Variants in EEF1D observed in about 807,000 individuals in gnomAD.
The protein encoded by EEF1D is eukaryotic translation elongation factor 1 delta.
In EEF1D, 47 loss-of-function variants were observed where a neutral mutation model predicts 63.9. The observed-to-expected ratio is 0.74, with a 90% CI of 0.58 to 0.94. The LOEUF (loss-of-function observed/expected upper bound fraction) is 0.94. Among genes scored for constraint, EEF1D ranks in the 40% least tolerant of loss-of-function variants. The pLI is 0.00. For missense variants in EEF1D, 907 were observed against 899.0 expected, an observed-to-expected ratio of 1.01 and a Z score of -0.11; for synonymous variants, 412 against 386.1, an observed-to-expected ratio of 1.07 and a Z score of -0.79.
chr8:143,586,869 G>T lies in EEF1D; in HGVS notation c.1092-17C>A. The T allele has an allele frequency of 6.2e-7, 1 of 1,612,764 alleles. No homozygotes were observed. The highest frequency in any genetic ancestry group is 2.2e-5 in the East Asian group (1 of 44,852). On this transcript the variant is annotated splice_polypyrimidine_tract_variant and intron_variant, in intron 3 of 9. Coordinates refer to ENST00000618139, the MANE Select transcript of EEF1D (RefSeq NM_001130053.5). ...ATTTTTCTGCTGGGAGGGGAAAGAG[G>T]CAAAGTCAGCATGGCTGGGAAGTGG...
intron 5 of EEF1D, among the ~76,000 whole-genome samples, chr8:143,584,475 G>C (rs997943368): frequency 2.6e-5 from 4 of 152,122 alleles, no homozygotes; most frequent in African/African-American, 9.7e-5. Context: ...GCTGACACAG[G>C]AGAATCGCTT....
intron 5 of EEF1D, 96 bp from the exon 6 acceptor site, chr8:143,581,424 A>G: frequency 8.8e-7 from 1 of 1,140,504 alleles, no homozygotes; most frequent in Non-Finnish European, 1.2e-6. Flanking sequence ...AAGGAAAACT[A>G]CAGCTCGGGA....
At chr8:143,591,041 G>C (rs544603474) in intron 2 of EEF1D, 7 of 152,534 alleles carry the variant, frequency 4.6e-5, no homozygotes, top group African/African-American at 1.7e-4. Flanking sequence ...AGAAAGGAGG[G>C]GCCAAGCGCC....
chr8:143,595,339 G>A (rs1331104022), intron 1 of EEF1D, among the ~76,000 whole-genome samples: 2 of 152,138 alleles, frequency 1.3e-5, no homozygotes, highest in Admixed American at 1.3e-4. Flanking sequence ...CCACAGTGCT[G>A]GGATTACAGA....
At chr8:143,579,859 G>A (rs755981221) in intron 9 of EEF1D, 29 bp from the exon 10 acceptor site, 1 of 1,546,630 alleles carries the variant, frequency 6.5e-7, no homozygotes, top group Non-Finnish European at 8.7e-7. Flanking sequence ...TGACGGTCAG[G>A]GCTGTTCCCC....
Position 143,589,268 on chromosome 8 carries a change from G to A in EEF1D, c.814C>T (p.Arg272Trp), listed in dbSNP as rs763452313. The A allele has an allele frequency of 2.3e-5, 37 of 1,587,318 alleles. 1 individual carries two copies. The highest frequency in any genetic ancestry group is 9.4e-5 in the African/African-American group (7 of 74,438). Residue 272 changes from arginine to tryptophan, a missense_variant, in exon 3 of 10, where the codon CGG becomes TGG. Transcript: ENST00000618139. ...CCCCGCCGGTCTCTGCGGCCCCGCC[G>A]GGCACCCTCGGCCAGGCCGGCTCGC... Reference protein sequence around the residue: ...QERAGLAEGARRGRRDRRGRN... With the variant: ...QERAGLAEGAWRGRRDRRGRN...
rs562709221 is a variant in EEF1D, at chr8:143,595,462, C to A, written c.-15+1886G>T. 1.6e-4 allele frequency among the ~76,000 whole-genome samples: 25 copies of A among 152,312 alleles called. No homozygotes were observed. In the South Asian group the frequency reaches 2.5e-3, roughly 15 times the overall value. On this transcript the variant is annotated intron_variant, in intron 1 of 9. Transcript: ENST00000618139. ...CTCATGATCTGCCTGCCTCGGCCTC[C>A]CAAAGTGCTGGGATCACCAGCATGA...
chr8:143,592,434 G>C (rs1035491697), intron 2 of EEF1D, among the ~76,000 whole-genome samples: 5 of 151,882 alleles, frequency 3.3e-5, no homozygotes, highest in Non-Finnish European at 7.4e-5. Flanking sequence ...CGCCAGCCCA[G>C]GACAGGACCC....
At position 143,590,029 on chromosome 8, in the gene EEF1D, T is replaced by C. The variant is rs780333965; in HGVS notation, c.53A>G (p.His18Arg). 1.9e-6 allele frequency: 3 copies of C among 1,599,146 alleles called. No homozygotes were observed. In the Admixed American group the frequency reaches 5.0e-5, roughly 27 times the overall value. ...GCGCCGCTCGGCCTCCTCATACTTG[T>C]GCTTGTCTTCCCACACGGTCTCCAG... Reference protein sequence around the residue: ...CTLETVWEDKHKYEEAERRFY... With the variant: ...CTLETVWEDKRKYEEAERRFY... Residue 18 changes from histidine to arginine, a missense_variant, in exon 3 of 10, where the codon CAC (histidine) becomes CGC (arginine). Coordinates refer to ENST00000618139, the MANE Select transcript of EEF1D (RefSeq NM_001130053.5).
chr8:143,582,714 C>A (rs1169465199), intron 5 of EEF1D: 1 of 141,390 alleles, frequency 7.1e-6, no homozygotes, highest in Non-Finnish European at 1.6e-5. Flanking sequence ...CAGGGAGAGT[C>A]CCCTCCTTTG....
intron 3 of EEF1D, among the ~76,000 whole-genome samples, chr8:143,588,238 C>A (rs1006486775): frequency 1.3e-5 from 2 of 152,188 alleles, no homozygotes; most frequent in African/African-American, 4.8e-5. Flanking sequence ...CTGCTTGGGA[C>A]CTTCAGAGTC....
chr8:143,596,855 A>G (rs1207139006), intron 1 of EEF1D: 1 of 152,290 alleles, frequency 6.6e-6, no homozygotes, highest in Non-Finnish European at 1.5e-5. Flanking sequence ...GTCACAGTAC[A>G]GGCTTATTCC....
At chr8:143,592,749 G>GC (rs1436101407) in intron 1 of EEF1D, 89 bp from the exon 2 acceptor site, 2 of 974,648 alleles carry the variant, frequency 2.1e-6, no homozygotes, top group South Asian at 9.5e-5. Context: ...GCCCGGGGCG[G>GC]CCGGGGGCCT....
rs751684064 is a variant in EEF1D, at chr8:143,580,158, T to TA, written c.1758dup (p.Ile587TyrfsTer47). On this transcript the variant is annotated frameshift_variant, in exon 9 of 10. Coordinates refer to ENST00000618139, the MANE Select transcript of EEF1D (RefSeq NM_001130053.5). LOFTEE classifies it high-confidence loss of function. ...CCCCAGACCAGCCCGTCCAGCTGGA[T>TA]AGAGCGCACACAGGCCTCCAGCTGG... 25 of 1,613,668 alleles carry TA rather than the reference T, an allele frequency of 1.5e-5. No homozygotes were observed. Among genetic ancestry groups the TA allele is most frequent in the Non-Finnish European group, 1.9e-5 (23 of 1,180,028 alleles).
intron 1 of EEF1D, chr8:143,596,529 A>C (rs999471589): frequency 2.0e-5 from 3 of 152,292 alleles, no homozygotes; most frequent in African/African-American, 7.2e-5. Context: ...CTGTAGAAGG[A>C]GGCTGCTCAG....
chr8:143,582,037 G>C (rs2130824289), intron 5 of EEF1D: 1 of 152,448 alleles, frequency 6.6e-6, no homozygotes, highest in East Asian at 1.9e-4. Flanking sequence ...TGGCTGCATG[G>C]AGCTCTCAGC....
chr8:143,591,836 C>T lies in EEF1D; in HGVS notation c.-1+811G>A, dbSNP rs146437466. ...AACCAAGGCTGGCTCCAACGCCCCC[C>T]GTGGGGTGCTGAGCTGTCTACGCTC... is the stretch of plus-strand genomic sequence containing the variant. On this transcript the variant is annotated intron_variant, in intron 2 of 9. Coordinates refer to ENST00000618139, the MANE Select transcript of EEF1D (RefSeq NM_001130053.5). 5.0e-3 allele frequency among the ~76,000 whole-genome samples: 756 copies of T among 152,392 alleles called. 1 individual carries two copies. The highest frequency in any genetic ancestry group is 0.016 in the African/African-American group (682 of 41,598).
chr8:143,588,365 C>T (rs1286729284), intron 3 of EEF1D, among the ~76,000 whole-genome samples: 1 of 152,204 alleles, frequency 6.6e-6, no homozygotes, highest in Non-Finnish European at 1.5e-5. Context: ...CTGCCTGGCC[C>T]CAGAGACCGC....
At chr8:143,590,390 G>A (rs998278773) in intron 2 of EEF1D, 33 of 628,228 alleles carry the variant, frequency 5.3e-5, no homozygotes, top group Non-Finnish European at 8.4e-5. Context: ...GTTAGTGAAT[G>A]TATGGCCCAT....
Sources: allele counts gnomAD v4.1 joint callset (sites outside exome capture counted in the v4.1 genomes callset), GRCh38; gene constraint gnomAD v4.1.1; transcripts MANE v1.5; gene names NCBI Gene and HGNC (gene_info 2026-07-23, HGNC 2026-07-21).